ZW10: variants seen among roughly 807,000 people sequenced by gnomAD.
ZW10 encodes the protein zw10 kinetochore protein.
Under a neutral mutation model 87.8 loss-of-function variants are expected in ZW10, and 53 were observed. That is an observed-to-expected ratio of 0.60 (90% CI 0.48 to 0.76). ZW10 has a LOEUF of 0.76. ZW10 is among the 30% of genes least tolerant of loss of function. The pLI is 0.00. For synonymous variants in ZW10, 312 were observed against 329.2 expected (o/e 0.95, Z 0.57); for missense variants, 837 against 923.0 (o/e 0.91, Z 1.21).
At chr11:113,756,314 A>C (rs1953784924) in intron 7 of ZW10, among the ~76,000 whole-genome samples, 1 of 152,252 alleles carries the variant, frequency 6.6e-6, no homozygotes, top group East Asian at 1.9e-4. Context: ...GGAGAACTTA[A>C]AACTATGTCA....
chr11:113,744,119 G>A (rs1372393318), intron 9 of ZW10, 79 bp from the exon 10 acceptor site: 7 of 1,211,656 alleles, frequency 5.8e-6, no homozygotes, highest in Admixed American at 2.1e-5. Flanking sequence ...CGGGCATGGC[G>A]GCTCACGCCT....
chr11:113,752,264 G>A (rs1253395883), intron 7 of ZW10, among the ~76,000 whole-genome samples: 3 of 147,440 alleles, frequency 2.0e-5, no homozygotes, highest in Non-Finnish European at 4.5e-5. Context: ...TGAACAAGAT[G>A]TGTGTGTGTG....
intron 10 of ZW10, among the ~76,000 whole-genome samples, chr11:113,743,293 G>A (rs1054016576): frequency 2.0e-5 from 3 of 152,124 alleles, no homozygotes; most frequent in African/African-American, 4.8e-5. Flanking sequence ...ATTAGGGACT[G>A]GGTTTCAAAA....
chr11:113,760,915 G>A lies in ZW10; in HGVS notation c.244C>T (p.Arg82Cys), dbSNP rs140270550. 7.8e-5 allele frequency: 126 copies of A among 1,613,232 alleles called. No homozygotes were observed. Among genetic ancestry groups the A allele is most frequent in the Non-Finnish European group, 9.4e-5 (111 of 1,179,726 alleles). The change falls in exon 3 of 16, where the codon CGC becomes TGC. Residue 82 changes from arginine to cysteine, a missense_variant. By Grantham distance (180) the Arg-to-Cys change is radical. Coordinates refer to ENST00000200135, the MANE Select transcript of ZW10 (RefSeq NM_004724.4). ...CCGGTTGATACGTGAAGATCCCGGCGGACCTAATTCACACATCAAAAACAA... is the reference window on the plus strand; with the variant it reads ...CCGGTTGATACGTGAAGATCCCGGCAGACCTAATTCACACATCAAAAACAA... ...LLKSRIESEVRRDLHVSTGEF... is the reference protein window; with the variant it reads ...LLKSRIESEVCRDLHVSTGEF...
chr11:113,770,818 C>T (rs1953956674), intron 1 of ZW10, among the ~76,000 whole-genome samples: 2 of 146,800 alleles, frequency 1.4e-5, no homozygotes, highest in South Asian at 2.2e-4. Context: ...AGAGACTCTA[C>T]CTCAAAAAAG....
intron 2 of ZW10, among the ~76,000 whole-genome samples, chr11:113,768,434 C>G (rs1414388343): frequency 6.6e-6 from 1 of 152,186 alleles, no homozygotes; most frequent in Non-Finnish European, 1.5e-5. Flanking sequence ...CCAGACACTT[C>G]ATTTCTAATA....
chr11:113,743,881 G>C lies in ZW10; in HGVS notation c.1432C>G (p.Arg478Gly), dbSNP rs373381445. 5.5e-5 allele frequency: 88 copies of C among 1,613,956 alleles called. 1 individual carries two copies. The highest frequency in any genetic ancestry group is 8.0e-5 in the African/African-American group (6 of 74,904). The change falls in exon 10 of 16, where the codon CGT becomes GGT. Residue 478 changes from arginine to glycine, a missense_variant. Arg to Gly is a moderately radical substitution (Grantham distance 125). Coordinates refer to ENST00000200135, the MANE Select transcript of ZW10 (RefSeq NM_004724.4). The part of the protein sequence containing the change: ...DQHSFSLPTC[R>G]ISESVKKLME... ...AATTTCTTCACAGACTCACTGATAC[G>C]GCATGTGGGCAAGGAAAAGGAATGT...
Position 113,733,659 on chromosome 11 carries a change from C to CAT in ZW10, c.*33_*34dup. On this transcript the variant is annotated 3_prime_UTR_variant, in exon 16 of 16. Coordinates refer to ENST00000200135, the MANE Select transcript of ZW10 (RefSeq NM_004724.4). ...GTAATTATGCCAAGGGAAGAATCCA[C>CAT]ATATTCAAGACATAGCTTTCTTAAG... 6.2e-7 allele frequency: 1 copy of CAT among 1,613,074 alleles called. No individual in the cohort carries two copies. The highest frequency in any genetic ancestry group is 8.5e-7 in the Non-Finnish European group (1 of 1,179,896).
At chr11:113,754,559 G>C (rs917641047) in intron 7 of ZW10, among the ~76,000 whole-genome samples, 3 of 151,990 alleles carry the variant, frequency 2.0e-5, no homozygotes, top group Non-Finnish European at 4.4e-5. Flanking sequence ...ATAAAGCCTG[G>C]ATGGCAACAC....
chr11:113,753,975 G>A (rs1245993961), intron 7 of ZW10, among the ~76,000 whole-genome samples: 1 of 152,224 alleles, frequency 6.6e-6, no homozygotes, highest in Non-Finnish European at 1.5e-5. Flanking sequence ...AGCAGACCTA[G>A]CTAAGATAAC....
intron 11 of ZW10, among the ~76,000 whole-genome samples, chr11:113,740,950 C>T (rs1283738433): frequency 6.6e-6 from 1 of 152,080 alleles, no homozygotes; most frequent in African/African-American, 2.4e-5. Context: ...TTTTCTTTTG[C>T]TTGACTAAGT....
chr11:113,744,280 G>A (rs1442726215), intron 9 of ZW10, among the ~76,000 whole-genome samples: 2 of 152,032 alleles, frequency 1.3e-5, no homozygotes, highest in African/African-American at 4.8e-5. Flanking sequence ...CCAGCTACTC[G>A]GGAGGCTGAG....
At chr11:113,749,246 G>A (rs1375278459) in intron 7 of ZW10, among the ~76,000 whole-genome samples, 1 of 152,104 alleles carries the variant, frequency 6.6e-6, no homozygotes, top group African/African-American at 2.4e-5. Flanking sequence ...AAGCCTTTAA[G>A]ATACCTCACA....
At chr11:113,755,341 T>C (rs1040235568) in intron 7 of ZW10, among the ~76,000 whole-genome samples, 1 of 152,136 alleles carries the variant, frequency 6.6e-6, no homozygotes, top group Non-Finnish European at 1.5e-5. Context: ...CCCTCATGAC[T>C]TTGAGGGGTT....
chr11:113,758,993 G>A (rs1953829257), intron 5 of ZW10, among the ~76,000 whole-genome samples: 1 of 152,204 alleles, frequency 6.6e-6, no homozygotes, highest in Non-Finnish European at 1.5e-5. Flanking sequence ...GGGCAACGTA[G>A]TGAGACGCTG....
Position 113,772,196 on chromosome 11 carries a change from G to C in ZW10, c.105+1366C>G, listed in dbSNP as rs553159685. ...AGAAAGTAATTCTCAATTGGCTGAA[G>C]ATTCAAGTTGGTAAAGGAAACTAGT... On this transcript the variant is annotated intron_variant, in intron 1 of 15. Coordinates refer to ENST00000200135, the MANE Select transcript of ZW10 (RefSeq NM_004724.4). Among the ~76,000 whole-genome samples the C allele has an allele frequency of 2.6e-5, 4 of 152,316 alleles. No individual in the cohort carries two copies. The East Asian group carries it at 7.7e-4, about 29-fold the overall frequency.
At chr11:113,761,816 A>G (rs1229202701) in intron 2 of ZW10, among the ~76,000 whole-genome samples, 4 of 152,050 alleles carry the variant, frequency 2.6e-5, no homozygotes, top group Non-Finnish European at 5.9e-5. Flanking sequence ...CCTCCCCCTT[A>G]CCAACCACCC....
At chr11:113,769,348 T>C (rs919516509) in intron 1 of ZW10, among the ~76,000 whole-genome samples, 6 of 152,178 alleles carry the variant, frequency 3.9e-5, no homozygotes, top group Non-Finnish European at 8.8e-5. Context: ...AGTTCTCATA[T>C]TGAACTATAT....
At chr11:113,770,488 G>T (rs908223165) in intron 1 of ZW10, 3 of 150,554 alleles carry the variant, frequency 2.0e-5, no homozygotes, top group Non-Finnish European at 4.4e-5. Flanking sequence ...CATATGGCTT[G>T]TCAGAGCTCA....
Sources: allele counts gnomAD v4.1 joint callset (sites outside exome capture counted in the v4.1 genomes callset), GRCh38; gene constraint gnomAD v4.1.1; transcripts MANE v1.5; gene names NCBI Gene and HGNC (gene_info 2026-07-23, HGNC 2026-07-21).